Variants in INTS14 observed in about 807,000 individuals in gnomAD.
INTS14 encodes the protein UPF0464 protein C15orf44.
INTS14 carries 27 observed loss-of-function variants against 56.9 expected under a neutral mutation model. The ratio of observed to expected loss-of-function variants is 0.47; its 90% CI spans 0.35 to 0.65. INTS14 has a LOEUF of 0.65. INTS14 is among the 30% of genes least tolerant of loss of function. The probability of loss-of-function intolerance (pLI) is 0.00; values close to 1 mark genes in which losing one functional copy is unlikely to be tolerated. For missense variants in INTS14, 517 were observed against 632.2 expected (o/e 0.82, Z 1.95); for synonymous variants, 207 against 236.2 (o/e 0.88, Z 1.13).
chr15:65,609,857 A>T (rs930453156), intron 1 of INTS14, among the ~76,000 whole-genome samples: 1 of 152,166 alleles, frequency 6.6e-6, no homozygotes, highest in African/African-American at 2.4e-5. Context: ...AGCCCGTGAA[A>T]TCTGCTGTTG....
intron 9 of INTS14, among the ~76,000 whole-genome samples, chr15:65,591,308 C>CTA (rs1382124976): frequency 6.6e-6 from 1 of 152,074 alleles, no homozygotes; most frequent in East Asian, 1.9e-4. Context: ...ATTACTTGAA[C>CTA]TATAGTACAC....
chr15:65,595,693 A>G lies in INTS14; in HGVS notation c.841+40T>C, dbSNP rs369042994. On this transcript the variant is annotated intron_variant, in intron 7 of 11. Coordinates refer to ENST00000313182, the MANE Select transcript of INTS14 (RefSeq NM_001394796.1). The stretch of plus-strand genomic sequence containing the variant: ...CTAAGATTTAAGAACAACTTTAGTT[A>G]ATAAGACGCTTCAGACGTATCAGTG... 10 of 1,478,264 alleles carry G rather than the reference A, an allele frequency of 6.8e-6. No homozygotes were observed. The African/African-American group carries it at 1.3e-4, about 19-fold the overall frequency. 91.6% of individuals were successfully genotyped at this position (1,478,264 alleles called of 1,614,324 possible). A position where few individuals can be genotyped will look rare whatever the true frequency, so the allele number is the denominator to read the frequency against.
intron 2 of INTS14, among the ~76,000 whole-genome samples, chr15:65,606,363 A>G (rs943920192): frequency 6.6e-6 from 1 of 151,990 alleles, no homozygotes; most frequent in African/African-American, 2.4e-5. Flanking sequence ...TAAACCACCT[A>G]ACAATTGTTA....
intron 9 of INTS14, among the ~76,000 whole-genome samples, chr15:65,588,430 C>T (rs1163261465): frequency 5.3e-5 from 8 of 151,664 alleles, no homozygotes; most frequent in East Asian, 1.9e-4. Context: ...TTTGGGAGGC[C>T]GAGGCAGGAG....
At position 65,607,428 on chromosome 15, in the gene INTS14, A is replaced by G; in HGVS notation, c.-48T>C. On this transcript the variant is annotated 5_prime_UTR_variant, in exon 2 of 12. It removes the in-frame stop codon of an upstream open reading frame in the 5' UTR. Transcript: ENST00000313182. ...CCAATCAGAATGCAAACAGACAGCT[A>G]TAAACGAAGAAATGCTGCAGAAAAT... 6.2e-7 allele frequency: 1 copy of G among 1,602,520 alleles called. No individual in the cohort carries two copies. The highest frequency in any genetic ancestry group is 8.5e-7 in the Non-Finnish European group (1 of 1,171,394).
chr15:65,603,616 CT>C (rs201341203), intron 3 of INTS14, among the ~76,000 whole-genome samples: 9,337 of 145,198 alleles, frequency 0.064, 284 homozygotes, highest in African/African-American at 0.085. Flanking sequence ...TAGCTACAAT[CT>C]TTTTTTTTTT....
chr15:65,604,725 G>A (rs1434260673), intron 3 of INTS14, among the ~76,000 whole-genome samples: 1 of 125,176 alleles, frequency 8.0e-6, no homozygotes, highest in Non-Finnish European at 1.6e-5. Flanking sequence ...GTGAGACCCT[G>A]TCTCCAAAAA....
intron 6 of INTS14, among the ~76,000 whole-genome samples, chr15:65,597,126 T>G (rs1370659792): frequency 6.6e-6 from 1 of 152,164 alleles, no homozygotes; most frequent in Admixed American, 6.5e-5. Context: ...GCAACAAGAC[T>G]TTTGGTACAA....
intron 8 of INTS14, among the ~76,000 whole-genome samples, chr15:65,592,534 T>C (rs2073065701): frequency 6.6e-6 from 1 of 152,184 alleles, no homozygotes. Context: ...TCAGAATGCA[T>C]GGGTAAGAAT....
intron 3 of INTS14, among the ~76,000 whole-genome samples, chr15:65,604,496 G>A (rs756796315): frequency 6.6e-5 from 10 of 152,114 alleles, no homozygotes; most frequent in Non-Finnish European, 8.8e-5. Flanking sequence ...TTTGGGAGAC[G>A]AGGTGGGCGG....
In INTS14 at chr15:65,607,250, G is replaced by C; in HGVS notation, c.131C>G (p.Thr44Arg). ...GLTMLFEHMA[T>R]NYKLEFTALV... ...TGCTGTAAATTCAAGCTTGTAATTT[G>C]TGGCCATGTGCTCAAACAGCATCGT... The change falls in exon 2 of 12, where the codon ACA becomes AGA. Residue 44 changes from threonine to arginine, a missense_variant. By Grantham distance (71) the Thr-to-Arg change is moderately conservative. Coordinates refer to ENST00000313182, the MANE Select transcript of INTS14 (RefSeq NM_001394796.1). 6.2e-7 allele frequency: 1 copy of C among 1,614,208 alleles called. No individual in the cohort carries two copies. The highest frequency in any genetic ancestry group is 8.5e-7 in the Non-Finnish European group (1 of 1,180,040).
intron 3 of INTS14, 97 bp from the exon 4 acceptor site, chr15:65,600,026 G>GC: frequency 3.8e-6 from 5 of 1,323,976 alleles, no homozygotes; most frequent in Middle Eastern, 2.6e-4. Flanking sequence ...GGGGCACCAG[G>GC]GCTGGCTATG....
intron 10 of INTS14, among the ~76,000 whole-genome samples, chr15:65,584,032 G>C (rs377693350): frequency 5.9e-5 from 9 of 152,186 alleles, no homozygotes; most frequent in African/African-American, 9.7e-5. Context: ...GTAAATAAAG[G>C]TGCTCAAAGG....
At chr15:65,610,724 C>T (rs917291663) in intron 1 of INTS14, 23 of 1,535,694 alleles carry the variant, frequency 1.5e-5, no homozygotes, top group Non-Finnish European at 1.9e-5. Flanking sequence ...GGGAGTCCCT[C>T]CCCAGTTCTC....
At chr15:65,610,926 G>A (rs1355477635) in intron 1 of INTS14, 172 bp downstream of exon 1, 4 of 1,464,170 alleles carry the variant, frequency 2.7e-6, no homozygotes, top group South Asian at 2.8e-5. Flanking sequence ...AGAGCGAGGG[G>A]AGGCCGGGAG....
At chr15:65,593,623 C>T in intron 7 of INTS14, 51 bp from the exon 8 acceptor site, 1 of 1,584,226 alleles carries the variant, frequency 6.3e-7, no homozygotes, top group Non-Finnish European at 8.6e-7. Flanking sequence ...ACAAAAACCC[C>T]AAACCCCAAT....
At chr15:65,609,851 C>G (rs1356359425) in intron 1 of INTS14, among the ~76,000 whole-genome samples, 1 of 152,074 alleles carries the variant, frequency 6.6e-6, no homozygotes, top group Non-Finnish European at 1.5e-5. Flanking sequence ...ACTTTCAGCC[C>G]GTGAAATCTG....
chr15:65,602,092 T>C (rs1273971633), intron 3 of INTS14, among the ~76,000 whole-genome samples: 1 of 151,866 alleles, frequency 6.6e-6, no homozygotes, highest in South Asian at 2.1e-4. Context: ...TGCACTTCTG[T>C]AGGGCGTGAT....
chr15:65,579,330 G>C lies in INTS14; in HGVS notation c.*78C>G. 6.4e-7 allele frequency: 1 copy of C among 1,554,364 alleles called. No homozygotes were observed. Reference sequence around the variant, plus strand: ...AGGTCTTTGGGTGGCTATTCTAGAGGTGAACATACTGGAAAGGTTTTTACC... The same window carrying C: ...AGGTCTTTGGGTGGCTATTCTAGAGCTGAACATACTGGAAAGGTTTTTACC... On this transcript the variant is annotated 3_prime_UTR_variant, in exon 12 of 12. Coordinates refer to ENST00000313182, the MANE Select transcript of INTS14 (RefSeq NM_001394796.1).
Sources: allele counts gnomAD v4.1 joint callset (sites outside exome capture counted in the v4.1 genomes callset), GRCh38; gene constraint gnomAD v4.1.1; transcripts MANE v1.5; gene names NCBI Gene and HGNC (gene_info 2026-07-23, HGNC 2026-07-21).